Variants in RNF216 observed in about 807,000 individuals in gnomAD.
RNF216 encodes E3 ubiquitin-protein ligase RNF216.
A neutral mutation model predicts 110.8 loss-of-function variants in RNF216; 72 were observed. The observed-to-expected ratio is 0.65, with a 90% confidence interval of 0.54 to 0.79. The LOEUF (loss-of-function observed/expected upper bound fraction) is 0.79, where lower values mean the gene tolerates loss of function less well. RNF216 is among the 30% of genes least tolerant of loss of function. The pLI is 0.00. For synonymous variants in RNF216, 495 were observed against 407.5 expected (o/e 1.21, Z -2.59); for missense variants, 1,342 against 1,141.2 (o/e 1.18, Z -2.54).
At chr7:5,703,944 G>T (rs769640575) in intron 13 of RNF216, among the ~76,000 whole-genome samples, 1 of 152,200 alleles carries the variant, frequency 6.6e-6, no homozygotes. Flanking sequence ...ACATATTCCA[G>T]AAGCATCACC....
rs958943924 is a variant in RNF216 at position 5,680,679 on chromosome 7, G to A, written c.2062-28169C>T. Among the ~76,000 whole-genome samples the A allele has an allele frequency of 2.6e-5, 4 of 152,020 alleles. No homozygotes were observed. The highest frequency in any genetic ancestry group is 6.5e-5 in the Admixed American group (1 of 15,272). The stretch of plus-strand genomic sequence containing the variant: ...GGCCTCCCAAAGTGCTGGGATTACA[G>A]GTGTGAGCCACCGCGCCCAGCACTC... On this transcript the variant is annotated intron_variant, in intron 13 of 16. Transcript: ENST00000389902. The surrounding 1 kb of genome is among the most constrained non-coding windows in gnomAD (Gnocchi z 4.3).
chr7:5,620,728 A>T lies in RNF216; in HGVS notation c.*2132T>A, dbSNP rs1410430262. The T allele has an allele frequency of 2.0e-5, 3 of 152,368 alleles. No individual in the cohort carries two copies. The allele number at this position is 152,368 out of a possible 1,614,324, so 9.4% of individuals were successfully genotyped here. A position where few individuals can be genotyped will look rare whatever the true frequency, so the allele number is the denominator to read the frequency against. On this transcript the variant is annotated 3_prime_UTR_variant, in exon 17 of 17. Transcript: ENST00000389902. The stretch of plus-strand genomic sequence containing the variant: ...CACTCTGGGCTCCCCCTCCCCTGCC[A>T]GGGTTGAGGCCAGCACCTGTCTAGG...
At chr7:5,768,287 T>C (rs1408697104) in intron 1 of RNF216, among the ~76,000 whole-genome samples, 8 of 99,592 alleles carry the variant, frequency 8.0e-5, no homozygotes, top group Admixed American at 7.8e-4. Context: ...CTTGTCGCTA[T>C]TAGGGGGAAA....
intron 1 of RNF216, among the ~76,000 whole-genome samples, chr7:5,767,602 ATTT>A (rs10709023): frequency 3.5e-5 from 5 of 143,764 alleles, no homozygotes; most frequent in Admixed American, 7.0e-5. Flanking sequence ...GTTGAGAGGG[ATTT>A]TTTTTTTTTT....
rs1294093007 is a variant in RNF216 at position 5,624,203 on chromosome 7, C to A, written c.2383-78G>T. On this transcript the variant is annotated intron_variant, in intron 15 of 16. Transcript: ENST00000389902. This position sits in a 1 kb window ranked among gnomAD's most constrained non-coding sequence, Gnocchi z 4.4. ...GCCCCGTGGGACAGTGAGGAGGCCG[C>A]TTGTTGCTTATGGCCATGGAACAAG... 6.4e-6 allele frequency: 8 copies of A among 1,252,338 alleles called. No homozygotes were observed. Among genetic ancestry groups the A allele is most frequent in the Non-Finnish European group, 9.1e-6 (8 of 875,556 alleles). 77.6% of individuals were successfully genotyped at this position (1,252,338 alleles called of 1,614,324 possible).
chr7:5,760,703 C>T (rs1421178099), intron 2 of RNF216, among the ~76,000 whole-genome samples: 2 of 152,186 alleles, frequency 1.3e-5, no homozygotes, highest in African/African-American at 4.8e-5. Context: ...CCTTTATAAT[C>T]ACCACGCCTT....
intron 1 of RNF216, among the ~76,000 whole-genome samples, chr7:5,775,337 GA>G: frequency 6.6e-6 from 1 of 152,306 alleles, no homozygotes; most frequent in Non-Finnish European, 1.5e-5. Flanking sequence ...CTCGTGACCA[GA>G]ATGCTTGAGG....
chr7:5,672,818 G>T (rs958315347), intron 13 of RNF216, among the ~76,000 whole-genome samples: 6 of 152,144 alleles, frequency 3.9e-5, no homozygotes, highest in African/African-American at 1.2e-4. Flanking sequence ...AGAGCACTGG[G>T]AGGCGAGGAG....
intron 14 of RNF216, among the ~76,000 whole-genome samples, chr7:5,644,035 A>C (rs1024972332): frequency 6.6e-6 from 1 of 152,058 alleles, no homozygotes; most frequent in African/African-American, 2.4e-5. Context: ...ATTCCTTTTT[A>C]TGGTTGGATA....
At chr7:5,625,850 GAC>G (rs1347985640) in intron 15 of RNF216, among the ~76,000 whole-genome samples, 1,583 of 152,348 alleles carry the variant, frequency 0.01, 24 homozygotes, top group African/African-American at 0.036. Flanking sequence ...AACAGTGGAT[GAC>G]ACTATTAAAT....
chr7:5,685,262 C>G (rs1790904179), intron 13 of RNF216, among the ~76,000 whole-genome samples: 1 of 152,192 alleles, frequency 6.6e-6, no homozygotes, highest in South Asian at 2.1e-4. Flanking sequence ...ACAAAACCAT[C>G]TCCTCCTTTT....
At chr7:5,699,593 C>T (rs1256016445) in intron 13 of RNF216, among the ~76,000 whole-genome samples, 3 of 152,232 alleles carry the variant, frequency 2.0e-5, no homozygotes, top group East Asian at 1.9e-4. Context: ...TTTCTCATCA[C>T]GGCTCTGCAT....
chr7:5,741,635 C>T lies in RNF216; in HGVS notation c.382G>A (p.Glu128Lys). 9 of 1,614,164 alleles carry T rather than the reference C, an allele frequency of 5.6e-6. No individual in the cohort carries two copies. Among genetic ancestry groups the T allele is most frequent in the Non-Finnish European group, 5.9e-6 (7 of 1,180,040 alleles). Residue 128 changes from glutamate to lysine, a missense_variant, in exon 4 of 17, where the codon GAG becomes AAG. Glu to Lys is a moderately conservative substitution (Grantham distance 56). Coordinates refer to ENST00000389902, the MANE Select transcript of RNF216 (RefSeq NM_207111.4). ...TCCAGAAATTCACCGTAGTCATCCT[C>T]AGAATCATCCTGTGCCCCAGAATCA... ...LFDSGAQDDS[E>K]DDYGEFLDLG...
chr7:5,698,765 A>G (rs1344622321), intron 13 of RNF216, among the ~76,000 whole-genome samples: 2 of 152,152 alleles, frequency 1.3e-5, no homozygotes, highest in Admixed American at 6.5e-5. Context: ...CCTACCACTT[A>G]TATAGAAGAA....
At chr7:5,705,604 T>G (rs750041544) in intron 13 of RNF216, among the ~76,000 whole-genome samples, 1 of 152,104 alleles carries the variant, frequency 6.6e-6, no homozygotes, top group Non-Finnish European at 1.5e-5. Flanking sequence ...ATGAACCATA[T>G]GCCCTTTAAA....
At chr7:5,754,543 A>T (rs1399023897) in intron 2 of RNF216, among the ~76,000 whole-genome samples, 3 of 152,070 alleles carry the variant, frequency 2.0e-5, no homozygotes, top group Admixed American at 6.6e-5. Context: ...ATGGGGGATC[A>T]TTCTGAAGAG....
intron 9 of RNF216, among the ~76,000 whole-genome samples, chr7:5,718,228 A>G (rs1198469199): frequency 6.6e-6 from 1 of 151,840 alleles, no homozygotes; most frequent in East Asian, 2.0e-4. Flanking sequence ...TAAAAATACA[A>G]AAATTAGCCA....
chr7:5,623,547 G>T (rs542614022), intron 16 of RNF216, among the ~76,000 whole-genome samples: 1 of 151,524 alleles, frequency 6.6e-6, no homozygotes, highest in East Asian at 1.9e-4. Context: ...TGATCCACCT[G>T]CCTCACCCTC....
chr7:5,672,612 A>C (rs1789988814), intron 13 of RNF216, among the ~76,000 whole-genome samples: 1 of 152,178 alleles, frequency 6.6e-6, no homozygotes, highest in Admixed American at 6.5e-5. Context: ...TTATCCACTT[A>C]CATACATTCT....
Sources: allele counts gnomAD v4.1 joint callset (sites outside exome capture counted in the v4.1 genomes callset), GRCh38; gene constraint gnomAD v4.1.1; non-coding constraint Gnocchi (gnomAD v3.1); transcripts MANE v1.5; gene names NCBI Gene and HGNC (gene_info 2026-07-23, HGNC 2026-07-21).